GALC: variants seen among roughly 807,000 people sequenced by gnomAD.
The protein encoded by GALC is galactocerebrosidase.
GALC carries 77 observed loss-of-function variants against 91.8 expected under a neutral mutation model. That is an observed-to-expected ratio of 0.84 (90% CI 0.70 to 1.01). GALC has a LOEUF of 1.01. Ranked by LOEUF, GALC falls within the 50% of genes least tolerant of loss-of-function variation. The pLI, the probability that GALC is intolerant of heterozygous loss-of-function variation, is 0.00. For missense variants in GALC, 882 were observed against 855.9 expected (o/e 1.03, Z -0.38); for synonymous variants, 357 against 306.7 (o/e 1.16, Z -1.71).
At chr14:87,954,678 A>G (rs1010243531) in intron 10 of GALC, 40 of 1,562,722 alleles carry the variant, frequency 2.6e-5, no homozygotes, top group Non-Finnish European at 3.3e-5. Flanking sequence ...ATTAAAGCCC[A>G]GATTTCAGAG....
intron 7 of GALC, among the ~76,000 whole-genome samples, 195 bp from the exon 8 acceptor site, chr14:87,968,685 G>T (rs567718137): frequency 6.6e-6 from 1 of 152,196 alleles, no homozygotes; most frequent in South Asian, 2.1e-4. Context: ...CCATTAAAAT[G>T]ACAGCAAAGA....
intron 3 of GALC, 187 bp downstream of exon 3, chr14:87,987,957 T>C: frequency 1.7e-6 from 1 of 579,422 alleles, no homozygotes; most frequent in Non-Finnish European, 3.0e-6. Context: ...TTGTTTTTGA[T>C]GGACCAGTCA....
At chr14:87,992,793 A>ACCCGCCCCAGCCCCGCAGCGGG in intron 1 of GALC, 177 bp downstream of exon 1, 4 of 1,406,618 alleles carry the variant, frequency 2.8e-6, no homozygotes, top group African/African-American at 1.5e-5. Context: ...ACGAGAAAGC[A>ACCCGCCCCAGCCCCGCAGCGGG]CCCGCCCCAG....
chr14:87,955,225 G>A (rs1008269822), intron 10 of GALC: 2 of 993,308 alleles, frequency 2.0e-6, no homozygotes, highest in South Asian at 1.3e-5. Context: ...GAAATGGCAG[G>A]CATTTCAAGG....
rs1001311606 is a variant in GALC at position 87,993,097 on chromosome 14, G to A, written c.68C>T (p.Ser23Leu). 3 of 1,586,600 alleles carry A rather than the reference G, an allele frequency of 1.9e-6. No homozygotes were observed. The highest frequency in any genetic ancestry group is 1.7e-4 in the Middle Eastern group (1 of 5,850). ...RAKAMTAAAG[S>L]AGRAAVPLLL... Reference sequence around the variant, plus strand: ...CAAGGGCACCGCGGCGCGGCCCGCCGAACCCGCGGCCGCAGTCATAGCTTT... The same window carrying A: ...CAAGGGCACCGCGGCGCGGCCCGCCAAACCCGCGGCCGCAGTCATAGCTTT... The change falls in exon 1 of 17, where the codon TCG becomes TTG. Residue 23 changes from serine to leucine, a missense_variant. Coordinates refer to ENST00000261304, the MANE Select transcript of GALC (RefSeq NM_000153.4).
chr14:87,993,010 C>T lies in GALC; in HGVS notation c.155G>A (p.Gly52Asp). 3.9e-6 allele frequency: 6 copies of T among 1,543,454 alleles called. No homozygotes were observed. Among genetic ancestry groups the T allele is most frequent in the Non-Finnish European group, 5.2e-6 (6 of 1,151,888 alleles). Residue 52 changes from glycine (G) to aspartate (D), a missense_variant, in exon 1 of 17, where the codon GGC (glycine) becomes GAC (aspartate). Transcript: ENST00000261304. ...CGCGCCGATGCCGTCGAACTCCCGG[C>T]CCAGCCCGTCGGAGTCGTCGAGCAC... Reference protein sequence around the residue: ...AYVLDDSDGLGREFDGIGAVS... With the variant: ...AYVLDDSDGLDREFDGIGAVS...
chr14:87,987,889 CTG>C (rs1887039770), intron 3 of GALC: 1 of 472,058 alleles, frequency 2.1e-6, no homozygotes, highest in Non-Finnish European at 3.8e-6. Context: ...TTTTAGAAAA[CTG>C]TGGATTTGTT....
intron 10 of GALC, among the ~76,000 whole-genome samples, chr14:87,960,907 T>C (rs1885775363): frequency 6.6e-6 from 1 of 152,166 alleles, no homozygotes; most frequent in Admixed American, 6.6e-5. Flanking sequence ...AACCTTGAAT[T>C]AGGCAATAGC....
intron 12 of GALC, among the ~76,000 whole-genome samples, chr14:87,948,529 C>T (rs774567739): frequency 3.3e-5 from 5 of 151,958 alleles, no homozygotes; most frequent in African/African-American, 7.2e-5. Flanking sequence ...CAATGGAAAA[C>T]GCTCCCAGTA....
In GALC at chr14:87,950,737, A is replaced by C. The variant is rs1313058019; in HGVS notation, c.1173T>G (p.His391Gln). 1 of 1,549,632 alleles carries C rather than the reference A, an allele frequency of 6.5e-7. No homozygotes were observed. The highest frequency in any genetic ancestry group is 2.3e-5 in the East Asian group (1 of 42,728). Residue 391 changes from histidine to glutamine, a missense_variant, in exon 11 of 17, where the codon CAT becomes CAG. Physicochemically the swap from His to Gln is conservative, Grantham distance 24. Transcript: ENST00000261304. The stretch of plus-strand genomic sequence containing the variant: ...GAAGAAATGGCCGTATGCACTTAGA[A>C]TGTTTATGACTCTGAAAAAAAAAAA... The part of the protein sequence containing the change: ...TIIIETMSHK[H>Q]SKCIRPFLPY...
chr14:87,939,877 C>A (rs373351433), intron 16 of GALC, 28 bp downstream of exon 16: 53 of 1,464,240 alleles, frequency 3.6e-5, no homozygotes, highest in Non-Finnish European at 4.7e-5. Context: ...GAGCATTTTA[C>A]CTCCAGACTC....
chr14:87,947,379 T>G (rs1885115367), intron 13 of GALC, among the ~76,000 whole-genome samples: 1 of 151,946 alleles, frequency 6.6e-6, no homozygotes, highest in African/African-American at 2.4e-5. Context: ...AAGACAGATA[T>G]GAATGTGTCT....
chr14:87,980,459 G>T, intron 6 of GALC: 1 of 969,782 alleles, frequency 1.0e-6, no homozygotes, highest in Non-Finnish European at 1.2e-6. Flanking sequence ...TTCCTCCATT[G>T]TCTAATCCAT....
chr14:87,986,861 G>T, intron 3 of GALC: 1 of 493,668 alleles, frequency 2.0e-6, no homozygotes. Flanking sequence ...AGTACTGAGA[G>T]AAATGTTATC....
At chr14:87,960,858 C>CT (rs1885773682) in intron 10 of GALC, among the ~76,000 whole-genome samples, 1 of 152,140 alleles carries the variant, frequency 6.6e-6, no homozygotes, top group Non-Finnish European at 1.5e-5. Flanking sequence ...ATTTAAAACT[C>CT]TAAAACTCTT....
At position 87,933,695 on chromosome 14, in the gene GALC, C is replaced by A. The variant is rs1370472380; in HGVS notation, c.*1037G>T. 2.9e-6 allele frequency: 1 copy of A among 340,448 alleles called. No homozygotes were observed. Among genetic ancestry groups the A allele is most frequent in the Non-Finnish European group, 5.3e-6 (1 of 189,080 alleles). 21.1% of individuals were successfully genotyped at this position (340,448 alleles called of 1,614,324 possible). On this transcript the variant is annotated 3_prime_UTR_variant, in exon 17 of 17. Transcript: ENST00000261304. ...ACCTACATGAATAACTGATTTGCTA[C>A]ATAGAGCCACATTAATGCTTAGTAT...
intron 7 of GALC, among the ~76,000 whole-genome samples, chr14:87,969,182 A>C (rs1347023275): frequency 1.3e-5 from 2 of 152,212 alleles, no homozygotes; most frequent in Admixed American, 6.5e-5. Context: ...CACTATCTGT[A>C]GACATTTTTT....
intron 1 of GALC, among the ~76,000 whole-genome samples, chr14:87,991,636 T>C (rs1283407271): frequency 6.6e-6 from 1 of 152,262 alleles, no homozygotes; most frequent in African/African-American, 2.4e-5. Context: ...TAAAGTGGTA[T>C]GCAAATATAA....
chr14:87,973,230 T>C (rs940176026), intron 7 of GALC, among the ~76,000 whole-genome samples: 7 of 152,212 alleles, frequency 4.6e-5, no homozygotes, highest in African/African-American at 7.2e-5. Context: ...TCAAGAAATA[T>C]TGTTTCCATT....
Sources: allele counts gnomAD v4.1 joint callset (sites outside exome capture counted in the v4.1 genomes callset), GRCh38; gene constraint gnomAD v4.1.1; transcripts MANE v1.5; gene names NCBI Gene and HGNC (gene_info 2026-07-23, HGNC 2026-07-21).